The following LIN52 variants were observed in gnomAD, a reference collection of about 807,000 sequenced individuals.
The protein encoded by LIN52 is protein lin-52 homolog.
Under a neutral mutation model 18.5 loss-of-function variants are expected in LIN52, and 4 were observed. That is an observed-to-expected ratio of 0.22 (90% CI 0.11 to 0.49). The LOEUF (loss-of-function observed/expected upper bound fraction) is 0.49, where lower values mean the gene tolerates loss of function less well. Ranked by LOEUF, LIN52 falls within the 20% of genes least tolerant of loss-of-function variation. LIN52 has a pLI of 0.97. For synonymous variants in LIN52, 34 were observed against 45.5 expected (o/e 0.75, Z 1.02); for missense variants, 102 against 139.5 (o/e 0.73, Z 1.35).
At chr14:74,197,583 G>A (rs2078922103) in intron 5 of LIN52, among the ~76,000 whole-genome samples, 1 of 152,198 alleles carries the variant, frequency 6.6e-6, no homozygotes, top group South Asian at 2.1e-4. Flanking sequence ...GTAAATCCAT[G>A]AAGGAAGGAA....
In LIN52 at chr14:74,199,014, C is replaced by T. The variant is rs374719511; in HGVS notation, c.*37C>T. ...GGACAGGATGTCCTGGGGTCCGAAA[C>T]CAAGCTCCCTTCCCGGTGCACCTCT... On this transcript the variant is annotated 3_prime_UTR_variant, in exon 6 of 6. Transcript: ENST00000555028. 5 of 1,473,544 alleles carry T rather than the reference C, an allele frequency of 3.4e-6. No homozygotes were observed. The South Asian group carries it at 3.4e-5, about 10-fold the overall frequency. The allele number at this position is 1,473,544 out of a possible 1,614,324, so 91.3% of individuals were successfully genotyped here.
chr14:74,110,108 A>G (rs2060917882), intron 5 of LIN52, among the ~76,000 whole-genome samples: 1 of 152,198 alleles, frequency 6.6e-6, no homozygotes, highest in African/African-American at 2.4e-5. Flanking sequence ...CACTGAATAT[A>G]TTACCTTCTA....
intron 5 of LIN52, among the ~76,000 whole-genome samples, chr14:74,111,123 G>C (rs202166612): frequency 6.6e-6 from 1 of 152,184 alleles, no homozygotes; most frequent in Non-Finnish European, 1.5e-5. Context: ...AGTTTCCACA[G>C]CACTAGCCTG....
At chr14:74,116,408 TA>T (rs1379391797) in intron 5 of LIN52, among the ~76,000 whole-genome samples, 2 of 152,122 alleles carry the variant, frequency 1.3e-5, no homozygotes, top group Non-Finnish European at 2.9e-5. Flanking sequence ...ATGTGGTCAT[TA>T]AAAAACATTA....
intron 5 of LIN52, among the ~76,000 whole-genome samples, chr14:74,116,325 T>A (rs1163859979): frequency 2.7e-5 from 4 of 148,118 alleles, no homozygotes; most frequent in Non-Finnish European, 6.0e-5. Flanking sequence ...ATAAAAAAAA[T>A]ACATAATAAA....
intron 3 of LIN52, 112 bp downstream of exon 3, chr14:74,096,097 T>C: frequency 1.4e-6 from 1 of 704,296 alleles, no homozygotes; most frequent in East Asian, 3.1e-5. Context: ...AGTCTCACTC[T>C]TCGCCCAGGC....
In LIN52 at chr14:74,165,513, C is replaced by CTTTTTTT. The variant is rs71460962; in HGVS notation, c.284-33400_284-33394dup. Among the ~76,000 whole-genome samples the CTTTTTTT allele has an allele frequency of 7.3e-5, 8 of 110,260 alleles. 1 individual carries two copies. The highest frequency in any genetic ancestry group is 1.9e-4 in the African/African-American group (5 of 26,638). The allele number at this position is 110,260 out of a possible 152,430, so 72.3% of individuals were successfully genotyped here. ...AATGGAGAATTACAGGTTTTCTTTT[C>CTTTTTTT]TTTTTTTTTTTTTTTGAGACAGAGT... On this transcript the variant is annotated intron_variant, in intron 5 of 5. Coordinates refer to ENST00000555028, the MANE Select transcript of LIN52 (RefSeq NM_001024674.3).
chr14:74,093,654 C>A (rs554972722), intron 2 of LIN52, among the ~76,000 whole-genome samples: 35 of 152,258 alleles, frequency 2.3e-4, no homozygotes, highest in Middle Eastern at 6.8e-3. Flanking sequence ...CACTGTTAAT[C>A]GTACAAATCC....
chr14:74,176,701 T>C (rs1193153351), intron 5 of LIN52, among the ~76,000 whole-genome samples: 2 of 152,184 alleles, frequency 1.3e-5, no homozygotes, highest in Non-Finnish European at 2.9e-5. Context: ...ACCACCATCA[T>C]GTATGTGGTT....
intron 5 of LIN52, among the ~76,000 whole-genome samples, chr14:74,145,231 A>G (rs2061148614): frequency 6.6e-6 from 1 of 152,200 alleles, no homozygotes; most frequent in Non-Finnish European, 1.5e-5. Context: ...AAGTTCTTCT[A>G]ATTCTTCAGT....
rs2060811598 is a variant in LIN52 at position 74,096,218 on chromosome 14, G to A, written c.132+233G>A. On this transcript the variant is annotated intron_variant, in intron 3 of 5. Transcript: ENST00000555028. ...TGGGATTACAGGTGCCCACCACCAC[G>A]CCCAGCTAATTTTTGTATTTTTAGT... 3.9e-5 allele frequency among the ~76,000 whole-genome samples: 6 copies of A among 152,012 alleles called. 1 individual carries two copies. The South Asian group carries it at 8.3e-4, about 21-fold the overall frequency.
At chr14:74,135,734 G>A (rs2061093822) in intron 5 of LIN52, among the ~76,000 whole-genome samples, 1 of 152,030 alleles carries the variant, frequency 6.6e-6, no homozygotes, top group East Asian at 1.9e-4. Context: ...TACTTAACAA[G>A]GGATAAACTA....
intron 2 of LIN52, among the ~76,000 whole-genome samples, chr14:74,093,949 C>T (rs1290170320): frequency 6.7e-6 from 1 of 149,932 alleles, no homozygotes; most frequent in African/African-American, 2.5e-5. Flanking sequence ...CTCCATTGCA[C>T]TCCAGGTTGA....
chr14:74,167,751 G>A (rs1025549325), intron 5 of LIN52, among the ~76,000 whole-genome samples: 5 of 152,054 alleles, frequency 3.3e-5, no homozygotes, highest in Admixed American at 3.3e-4. Flanking sequence ...GCCTAGGCTG[G>A]AATTGAACTC....
chr14:74,186,773 G>A (rs986517437), intron 5 of LIN52, among the ~76,000 whole-genome samples: 2 of 152,030 alleles, frequency 1.3e-5, no homozygotes, highest in African/African-American at 2.4e-5. Flanking sequence ...CGAGGCAGGC[G>A]GATCACAAGG....
At chr14:74,180,819 A>C (rs2061315197) in intron 5 of LIN52, among the ~76,000 whole-genome samples, 1 of 152,192 alleles carries the variant, frequency 6.6e-6, no homozygotes, top group South Asian at 2.1e-4. Context: ...ATTAAGAATC[A>C]TAGGCCTGGC....
At chr14:74,111,606 G>GTATTTATT (rs3082883) in intron 5 of LIN52, among the ~76,000 whole-genome samples, 10,429 of 138,028 alleles carry the variant, frequency 0.076, 539 homozygotes, top group East Asian at 0.26. Context: ...CCTGCCCCTG[G>GTATTTATT]TATTTATTTA....
intron 5 of LIN52, among the ~76,000 whole-genome samples, chr14:74,111,548 C>T (rs888392422): frequency 2.6e-5 from 4 of 151,636 alleles, no homozygotes; most frequent in Admixed American, 6.6e-5. Context: ...GCAATCCTCC[C>T]GCCTCAGCCT....
rs1347732704 is a variant in LIN52, at chr14:74,093,280, A to C, written c.94+1974A>C. On this transcript the variant is annotated intron_variant, in intron 2 of 5. Transcript: ENST00000555028. ...TACATTTATAAGAAATTCACATAAT[A>C]CTGAGATATATAAAGCGTTTTCTCA... Among the ~76,000 whole-genome samples the C allele has an allele frequency of 2.0e-5, 3 of 149,122 alleles. No individual in the cohort carries two copies. The East Asian group carries it at 5.9e-4, about 29-fold the overall frequency.
Sources: allele counts gnomAD v4.1 joint callset (sites outside exome capture counted in the v4.1 genomes callset), GRCh38; gene constraint gnomAD v4.1.1; transcripts MANE v1.5; gene names NCBI Gene and HGNC (gene_info 2026-07-23, HGNC 2026-07-21).